KSR2: variants seen among roughly 807,000 people sequenced by gnomAD.
KSR2 encodes the protein kinase suppressor of ras 2.
In KSR2, 25 loss-of-function variants were observed where a neutral mutation model predicts 107.8. The ratio of observed to expected loss-of-function variants is 0.23; its 90% CI spans 0.17 to 0.32. The LOEUF is 0.32. Ranked by LOEUF, KSR2 falls within the 10% of genes least tolerant of loss-of-function variation. The probability of loss-of-function intolerance (pLI) is 1.00; values close to 1 mark genes in which losing one functional copy is unlikely to be tolerated. For synonymous variants in KSR2, 480 were observed against 507.0 expected, an observed-to-expected ratio of 0.95 and a Z score of 0.71; for missense variants, 887 against 1,268.9, an observed-to-expected ratio of 0.70 and a Z score of 4.57.
chr12:117,606,294 T>C (rs534620413), intron 5 of KSR2, among the ~76,000 whole-genome samples: 2 of 115,722 alleles, frequency 1.7e-5, no homozygotes, highest in East Asian at 6.4e-4. Flanking sequence ...CCTCCTTCCC[T>C]TCCCTTTCTT....
intron 5 of KSR2, among the ~76,000 whole-genome samples, chr12:117,600,251 A>G (rs2136289044): frequency 6.6e-6 from 1 of 152,318 alleles, no homozygotes; most frequent in East Asian, 1.9e-4. Flanking sequence ...GCCAGTTCTC[A>G]AAGTCAGCAA....
chr12:117,617,294 G>A (rs12827817), intron 5 of KSR2, among the ~76,000 whole-genome samples: 58,944 of 151,734 alleles, frequency 0.39, 12,663 homozygotes, highest in South Asian at 0.54. Flanking sequence ...TAATCCTTCC[G>A]CTAGTTCACT....
chr12:117,591,056 T>C (rs1047527190), intron 5 of KSR2, among the ~76,000 whole-genome samples: 1 of 152,148 alleles, frequency 6.6e-6, no homozygotes, highest in Admixed American at 6.5e-5. Flanking sequence ...GTGCATTGTT[T>C]TGATCCCCGT....
chr12:117,587,204 T>C (rs1474749737), intron 5 of KSR2, among the ~76,000 whole-genome samples: 2 of 152,202 alleles, frequency 1.3e-5, no homozygotes, highest in Admixed American at 1.3e-4. Context: ...GAGTATGTTA[T>C]CTTATCTGGC....
intron 5 of KSR2, among the ~76,000 whole-genome samples, chr12:117,619,780 T>C (rs1234066288): frequency 6.6e-6 from 1 of 151,952 alleles, no homozygotes; most frequent in East Asian, 1.9e-4. Context: ...TGATACTTTT[T>C]ATAAAGACAG....
intron 7 of KSR2, among the ~76,000 whole-genome samples, chr12:117,577,373 G>C (rs947450135): frequency 6.6e-6 from 1 of 151,762 alleles, no homozygotes; most frequent in Non-Finnish European, 1.5e-5. Context: ...GAGAGGGGGG[G>C]AGAGATTGAG....
intron 3 of KSR2, among the ~76,000 whole-genome samples, chr12:117,818,939 CCT>C (rs1052974199): frequency 6.6e-5 from 10 of 152,030 alleles, no homozygotes; most frequent in African/African-American, 2.4e-4. Flanking sequence ...GACATGGAGG[CCT>C]TTGCTGACCA....
At chr12:117,632,918 T>C (rs1433679338) in intron 5 of KSR2, among the ~76,000 whole-genome samples, 1 of 152,218 alleles carries the variant, frequency 6.6e-6, no homozygotes, top group African/African-American at 2.4e-5. Flanking sequence ...ATGTACCACA[T>C]TTTCTGTATC....
intron 14 of KSR2, among the ~76,000 whole-genome samples, chr12:117,520,040 A>T (rs191795879): frequency 5.3e-5 from 8 of 152,338 alleles, no homozygotes; most frequent in African/African-American, 1.9e-4. Context: ...TGATTGTGAT[A>T]TGACCAAAAA....
At chr12:117,843,472 A>C (rs1306033011) in intron 3 of KSR2, among the ~76,000 whole-genome samples, 6 of 152,104 alleles carry the variant, frequency 3.9e-5, no homozygotes, top group Non-Finnish European at 8.8e-5. Flanking sequence ...ACTGGCACCC[A>C]TGCTTCCATG....
Position 117,645,868 on chromosome 12 carries a change from C to CGTGT in KSR2, c.1171+21602_1171+21605dup, listed in dbSNP as rs58896782. Among the ~76,000 whole-genome samples the CGTGT allele has an allele frequency of 8.7e-3, 1,237 of 142,124 alleles. 18 individuals are homozygous for CGTGT. The highest frequency in any genetic ancestry group is 0.026 in the African/African-American group (1,005 of 38,060). 93.2% of individuals were successfully genotyped at this position (142,124 alleles called of 152,430 possible). A position where few individuals can be genotyped will look rare whatever the true frequency, so the allele number is the denominator to read the frequency against. ...CTTCTGGAATGTGCATGTGTATGTG[C>CGTGT]GTGTGTGTGTGTGTGTGTGTGTGTG... is the stretch of plus-strand genomic sequence containing the variant. On this transcript the variant is annotated intron_variant, in intron 5 of 19. Coordinates refer to ENST00000339824, the MANE Select transcript of KSR2 (RefSeq NM_173598.6).
intron 5 of KSR2, among the ~76,000 whole-genome samples, chr12:117,604,609 G>A (rs1453882358): frequency 6.6e-6 from 1 of 152,140 alleles, no homozygotes; most frequent in Admixed American, 6.5e-5. Context: ...TCATGATAAA[G>A]GGGGATCCTC....
At chr12:117,814,959 C>T (rs1891320679) in intron 3 of KSR2, among the ~76,000 whole-genome samples, 1 of 152,120 alleles carries the variant, frequency 6.6e-6, no homozygotes, top group Admixed American at 6.5e-5. Context: ...ACAAACAATC[C>T]AGTGCCAAAA....
In KSR2 at chr12:117,476,455, C is replaced by T. The variant is rs1340613592; in HGVS notation, c.2582+9G>A. The T allele has an allele frequency of 6.3e-6, 10 of 1,589,482 alleles. No individual in the cohort carries two copies. The highest frequency in any genetic ancestry group is 8.6e-6 in the Non-Finnish European group (10 of 1,167,640). ...GTGGCTCTCAATGGCCAGGGCAGGG[C>T]CCACTTACCCAAGGGCAAAGACGTC... On this transcript the variant is annotated intron_variant, in intron 17 of 19. Transcript: ENST00000339824.
At chr12:117,512,795 A>T (rs1458521873) in intron 14 of KSR2, among the ~76,000 whole-genome samples, 1 of 152,132 alleles carries the variant, frequency 6.6e-6, no homozygotes, top group African/African-American at 2.4e-5. Context: ...CCTGAGCCTA[A>T]CTTCAGTATC....
intron 1 of KSR2, among the ~76,000 whole-genome samples, chr12:117,962,059 C>T (rs1274210765): frequency 6.7e-6 from 1 of 149,962 alleles, no homozygotes. Flanking sequence ...ACAGGAGGAT[C>T]GCTTGAGCCC....
At chr12:117,517,575 C>T (rs1181347931) in intron 14 of KSR2, 6 of 305,152 alleles carry the variant, frequency 2.0e-5, no homozygotes, top group Non-Finnish European at 2.6e-5. Flanking sequence ...ATTACACAGG[C>T]GTATGCAATG....
At chr12:117,736,431 C>T (rs1364874943) in intron 4 of KSR2, among the ~76,000 whole-genome samples, 3 of 152,244 alleles carry the variant, frequency 2.0e-5, no homozygotes, top group Middle Eastern at 3.4e-3. Context: ...TAATAAGGAC[C>T]GAGTAACTAT....
intron 9 of KSR2, among the ~76,000 whole-genome samples, chr12:117,545,192 C>T (rs1876768443): frequency 6.6e-6 from 1 of 152,076 alleles, no homozygotes; most frequent in African/African-American, 2.4e-5. Context: ...GTATATATTG[C>T]TGAACTCTAT....
Sources: gnomAD v4.1 joint callset for allele counts (sites outside exome capture counted in the v4.1 genomes callset) on GRCh38, gnomAD v4.1.1 for gene constraint, MANE v1.5 for transcripts, NCBI Gene and HGNC (gene_info 2026-07-23, HGNC 2026-07-21) for gene names.